Variants in PRPF4 observed in about 807,000 individuals in gnomAD.
The protein encoded by PRPF4 is pre-mRNA splicing tri-snRNP complex factor PRPF4.
In PRPF4, 14 loss-of-function variants were observed where a neutral mutation model predicts 72.2. The ratio of observed to expected loss-of-function variants is 0.19; its 90% CI spans 0.13 to 0.30. The LOEUF (loss-of-function observed/expected upper bound fraction) is 0.30, where lower values mean the gene tolerates loss of function less well. Ranked by LOEUF, PRPF4 falls within the 10% of genes least tolerant of loss-of-function variation. The pLI is 1.00. For missense variants in PRPF4, 478 were observed against 653.9 expected (o/e 0.73, Z 2.93); for synonymous variants, 225 against 232.2 (o/e 0.97, Z 0.28).
chr9:113,291,137 G>T, intron 13 of PRPF4, 121 bp downstream of exon 13: 1 of 1,016,466 alleles, frequency 9.8e-7, no homozygotes, highest in Non-Finnish European at 1.5e-6. Flanking sequence ...TGACCTACTG[G>T]TAAAGGAGCA....
rs151033757 is a variant in PRPF4 at position 113,283,203 on chromosome 9, G to A, written c.552G>A (p.Ser184=). 59 of 1,614,020 alleles carry A rather than the reference G, an allele frequency of 3.7e-5. No homozygotes were observed. The African/African-American group carries it at 4.1e-4, about 11-fold the overall frequency. Residue 184 remains serine, a synonymous_variant, in exon 5 of 14, where the codon TCG becomes TCA. Transcript: ENST00000374198. ...CAAGACTATGGATTGCTAATTATTC[G>A]TTGCCCAGGTAAAGAGAGCCTCCAG... ...KVARLWIANY[S]LPRAMKRLEE... is the part of the protein sequence containing the mutation.
At chr9:113,277,425 G>T (rs1224085713) in intron 2 of PRPF4, among the ~76,000 whole-genome samples, 2 of 151,332 alleles carry the variant, frequency 1.3e-5, no homozygotes, top group African/African-American at 2.4e-5. Context: ...TCACTCTCTT[G>T]CCCAGGCTGG....
In PRPF4 at chr9:113,287,547, TTTTC is replaced by T. The variant is rs201778114; in HGVS notation, c.933-620_933-617del. 2.4e-4 allele frequency among the ~76,000 whole-genome samples: 36 copies of T among 152,238 alleles called. No homozygotes were observed. In the East Asian group the frequency reaches 6.9e-3, roughly 29 times the overall value. ...AAGGCATCTGAATTTAATTGTTTAG[TTTTC>T]TTTCTTTGGGAAAACACATGAAGGT... On this transcript the variant is annotated intron_variant, in intron 9 of 13. Transcript: ENST00000374198.
chr9:113,277,882 C>T (rs527460448), intron 2 of PRPF4, among the ~76,000 whole-genome samples: 2 of 152,156 alleles, frequency 1.3e-5, no homozygotes, highest in East Asian at 3.9e-4. Context: ...TGCCTGTATT[C>T]CCAGCTAATT....
intron 2 of PRPF4, 83 bp downstream of exon 2, chr9:113,276,808 T>A: frequency 7.0e-7 from 1 of 1,437,494 alleles, no homozygotes; most frequent in Non-Finnish European, 9.4e-7. Flanking sequence ...TTTTATAATG[T>A]CAAAAAATTA....
At chr9:113,286,427 C>A in intron 8 of PRPF4, 137 bp downstream of exon 8, 1 of 926,104 alleles carries the variant, frequency 1.1e-6, no homozygotes, top group South Asian at 1.5e-5. Context: ...TCTCTGGCTG[C>A]AAGACTGGAC....
In PRPF4 at chr9:113,275,781, C is replaced by G. The variant is rs1421799163; in HGVS notation, c.27+11C>G. ...CGAGCCTCTTCCACGGTACAGAGCC[C>G]GGGATCCCAGCTCACTCTGGCAGGG... On this transcript the variant is annotated intron_variant, in intron 1 of 13. Transcript: ENST00000374198. 1 of 1,611,174 alleles carries G rather than the reference C, an allele frequency of 6.2e-7. No individual in the cohort carries two copies. Among genetic ancestry groups the G allele is most frequent in the Admixed American group, 1.7e-5 (1 of 59,844 alleles).
At chr9:113,290,634 T>C in intron 11 of PRPF4, 46 bp downstream of exon 11, 1 of 1,614,160 alleles carries the variant, frequency 6.2e-7, no homozygotes. Flanking sequence ...TACTCTCACC[T>C]CTTACCTATA....
intron 3 of PRPF4, 83 bp downstream of exon 3, chr9:113,279,214 C>A: frequency 1.7e-6 from 2 of 1,208,262 alleles, no homozygotes; most frequent in South Asian, 1.5e-5. Flanking sequence ...TTTAGTTGAA[C>A]TTTAATAGAA....
chr9:113,280,614 A>G (rs1016920019), intron 3 of PRPF4, among the ~76,000 whole-genome samples: 4 of 152,124 alleles, frequency 2.6e-5, no homozygotes, highest in African/African-American at 9.7e-5. Flanking sequence ...GATAGCCCCA[A>G]ACATGTTGTG....
chr9:113,285,343 A>ATTTTTTTTTTTTTT (rs71367713), intron 7 of PRPF4, among the ~76,000 whole-genome samples: 9 of 67,578 alleles, frequency 1.3e-4, no homozygotes, highest in Non-Finnish European at 2.0e-4. Flanking sequence ...GTCTCTACAA[A>ATTTTTTTTTTTTTT]TTTTTTTTTT....
chr9:113,288,584 G>A (rs1258429245), intron 10 of PRPF4, among the ~76,000 whole-genome samples: 2 of 151,874 alleles, frequency 1.3e-5, no homozygotes, highest in African/African-American at 2.4e-5. Context: ...CTACAGGCGC[G>A]TGCCACCATG....
chr9:113,290,874 T>G (rs772724365), intron 12 of PRPF4, 24 bp from the exon 13 acceptor site: 2 of 1,613,086 alleles, frequency 1.2e-6, no homozygotes, highest in East Asian at 2.2e-5. Context: ...TATTTCTAAC[T>G]TCAATACTGC....
At chr9:113,279,388 G>C (rs1207950317) in intron 3 of PRPF4, among the ~76,000 whole-genome samples, 1 of 151,842 alleles carries the variant, frequency 6.6e-6, no homozygotes, top group African/African-American at 2.4e-5. Flanking sequence ...TTTTGAGACA[G>C]AGTCTTGCTC....
At chr9:113,278,210 A>G (rs1011597053) in intron 2 of PRPF4, among the ~76,000 whole-genome samples, 1 of 152,244 alleles carries the variant, frequency 6.6e-6, no homozygotes, top group Non-Finnish European at 1.5e-5. Flanking sequence ...TGAGAGGTCT[A>G]CTATATTTTA....
intron 4 of PRPF4, 112 bp from the exon 5 acceptor site, chr9:113,283,020 T>G (rs994802559): frequency 1.3e-6 from 2 of 1,548,418 alleles, no homozygotes; most frequent in Non-Finnish European, 1.7e-6. Context: ...GATTTCATCC[T>G]ATTACCGAAT....
intron 3 of PRPF4, among the ~76,000 whole-genome samples, chr9:113,280,473 A>G (rs898012758): frequency 6.6e-6 from 1 of 152,128 alleles, no homozygotes; most frequent in East Asian, 1.9e-4. Flanking sequence ...ATACTCATAC[A>G]ATTCTTAGTT....
intron 6 of PRPF4, 71 bp from the exon 7 acceptor site, chr9:113,284,224 G>T (rs142536152): frequency 1.7e-6 from 2 of 1,181,136 alleles, no homozygotes; most frequent in Non-Finnish European, 2.5e-6. Context: ...TCTTTTTATG[G>T]TGGAAAAGCA....
chr9:113,291,668 T>A lies in PRPF4; in HGVS notation c.*8T>A. The A allele has an allele frequency of 6.2e-7, 1 of 1,613,376 alleles. No homozygotes were observed. Among genetic ancestry groups the A allele is most frequent in the Non-Finnish European group, 8.5e-7 (1 of 1,179,448 alleles). ...CTGTGGATGGCTGAATAGATGACAATGGGAAAAGGACTTGAACCTCAAGCT... is the reference window on the plus strand; with the variant it reads ...CTGTGGATGGCTGAATAGATGACAAAGGGAAAAGGACTTGAACCTCAAGCT... On this transcript the variant is annotated 3_prime_UTR_variant, in exon 14 of 14. Coordinates refer to ENST00000374198, the MANE Select transcript of PRPF4 (RefSeq NM_001244926.2).
Sources: allele counts gnomAD v4.1 joint callset (sites outside exome capture counted in the v4.1 genomes callset), GRCh38; gene constraint gnomAD v4.1.1; transcripts MANE v1.5; gene names NCBI Gene and HGNC (gene_info 2026-07-23, HGNC 2026-07-21).